RALGAPB: variants seen among roughly 807,000 people sequenced by gnomAD.
RALGAPB encodes the protein Ral GTPase activating protein non-catalytic subunit beta.
RALGAPB carries 25 observed loss-of-function variants against 161.1 expected under a neutral mutation model. The observed-to-expected ratio is 0.16, with a 90% CI of 0.11 to 0.22. The LOEUF (loss-of-function observed/expected upper bound fraction) is 0.22, where lower values mean the gene tolerates loss of function less well. Ranked by LOEUF, RALGAPB falls within the 10% of genes least tolerant of loss-of-function variation. The pLI, the probability that RALGAPB is intolerant of heterozygous loss-of-function variation, is 1.00. For synonymous variants in RALGAPB, 629 were observed against 626.1 expected, an observed-to-expected ratio of 1.00 and a Z score of -0.07; for missense variants, 1,391 against 1,815.2, an observed-to-expected ratio of 0.77 and a Z score of 4.25.
chr20:38,548,544 A>G (rs2087253180), intron 19 of RALGAPB, 145 bp from the exon 20 acceptor site: 4 of 649,366 alleles, frequency 6.2e-6, no homozygotes, highest in African/African-American at 1.8e-5. Flanking sequence ...GGTACGGCAG[A>G]AACCACAGAA....
chr20:38,496,982 T>C (rs985989426), intron 3 of RALGAPB, among the ~76,000 whole-genome samples: 4 of 152,202 alleles, frequency 2.6e-5, no homozygotes, highest in African/African-American at 9.7e-5. Context: ...TCTGCTTCAA[T>C]GTGAGCAGCA....
chr20:38,530,809 C>T (rs2086629707), intron 13 of RALGAPB, among the ~76,000 whole-genome samples: 2 of 151,380 alleles, frequency 1.3e-5, no homozygotes, highest in African/African-American at 4.9e-5. Context: ...GTTGACCAGG[C>T]TAGTCTCGAA....
At chr20:38,500,406 C>T (rs1453849772) in intron 5 of RALGAPB, among the ~76,000 whole-genome samples, 1 of 152,106 alleles carries the variant, frequency 6.6e-6, no homozygotes, top group Non-Finnish European at 1.5e-5. Context: ...GATCAGTGAT[C>T]TTTAATATTA....
At chr20:38,482,846 A>G (rs765225911) in intron 1 of RALGAPB, among the ~76,000 whole-genome samples, 12 of 152,128 alleles carry the variant, frequency 7.9e-5, no homozygotes, top group Admixed American at 1.3e-4. Flanking sequence ...TGATTCTTTA[A>G]TCACCACCAC....
chr20:38,529,863 A>G (rs2086597807), intron 13 of RALGAPB, among the ~76,000 whole-genome samples: 1 of 152,152 alleles, frequency 6.6e-6, no homozygotes, highest in African/African-American at 2.4e-5. Context: ...ATCATAAGGA[A>G]GAGAAAATAC....
intron 2 of RALGAPB, among the ~76,000 whole-genome samples, chr20:38,491,664 T>A (rs1004695637): frequency 1.3e-5 from 2 of 152,212 alleles, no homozygotes; most frequent in African/African-American, 4.8e-5. Context: ...ACCAGTGACT[T>A]ATGCCAAATT....
intron 15 of RALGAPB, chr20:38,534,520 G>T (rs1426052916): frequency 6.6e-6 from 1 of 152,356 alleles, no homozygotes; most frequent in Non-Finnish European, 1.5e-5. Flanking sequence ...TAAAAATATG[G>T]TGGCTTGGTT....
At chr20:38,568,337 C>G (rs1039706969) in intron 26 of RALGAPB, 1 of 152,010 alleles carries the variant, frequency 6.6e-6, no homozygotes, top group Non-Finnish European at 1.5e-5. Context: ...ATTCAGTACT[C>G]ATTTATGAGA....
chr20:38,503,758 C>T (rs971339471), intron 5 of RALGAPB, among the ~76,000 whole-genome samples: 2 of 152,128 alleles, frequency 1.3e-5, no homozygotes, highest in Non-Finnish European at 1.5e-5. Context: ...GCATTGCATG[C>T]CACAGATAAA....
chr20:38,562,595 C>T lies in RALGAPB; in HGVS notation c.3595C>T (p.Leu1199Phe). ...ACATTTCCTAGAATTTTTGCTTTCCCTTGGCTGGTCAGTAGATGTGGGCAG... is the reference window on the plus strand; with the variant it reads ...ACATTTCCTAGAATTTTTGCTTTCCTTTGGCTGGTCAGTAGATGTGGGCAG... ...QPHFLEFLLS[L>F]GWSVDVGRHP... Residue 1199 changes from leucine (L) to phenylalanine (F), a missense_variant, in exon 24 of 30, where the codon CTT becomes TTT. Transcript: ENST00000262879. 1 of 1,613,686 alleles carries T rather than the reference C, an allele frequency of 6.2e-7. No homozygotes were observed. The highest frequency in any genetic ancestry group is 8.5e-7 in the Non-Finnish European group (1 of 1,179,732).
Position 38,488,622 on chromosome 20 carries a change from A to G in RALGAPB, c.186+4A>G, listed in dbSNP as rs759284182. 1.1e-5 allele frequency: 18 copies of G among 1,602,668 alleles called. No individual in the cohort carries two copies. The highest frequency in any genetic ancestry group is 1.4e-5 in the Non-Finnish European group (17 of 1,172,626). On this transcript the variant is annotated splice_donor_region_variant and intron_variant, in intron 2 of 29. Transcript: ENST00000262879. Reference sequence around the variant, plus strand: ...TTTGTTAAAAACTGACAAAGAAGTAAGTGTTTCTAAATTTCATTCTCTTAT... The same window carrying G: ...TTTGTTAAAAACTGACAAAGAAGTAGGTGTTTCTAAATTTCATTCTCTTAT...
chr20:38,497,265 C>G, intron 3 of RALGAPB, 88 bp from the exon 4 acceptor site: 1 of 1,261,876 alleles, frequency 7.9e-7, no homozygotes. Flanking sequence ...CATTGGACCA[C>G]TGCTTGCTAC....
At chr20:38,573,540 T>G (rs925526469) in intron 28 of RALGAPB, 1 of 152,224 alleles carries the variant, frequency 6.6e-6, no homozygotes, top group African/African-American at 2.4e-5. Flanking sequence ...TGCCAGAGGC[T>G]GTGAGGGCTT....
chr20:38,552,713 C>T (rs2087421008), intron 21 of RALGAPB, among the ~76,000 whole-genome samples: 1 of 152,070 alleles, frequency 6.6e-6, no homozygotes, highest in Non-Finnish European at 1.5e-5. Flanking sequence ...AAATTTTAAT[C>T]CTGGTTCTTG....
At chr20:38,531,943 C>A (rs2086663762) in intron 14 of RALGAPB, among the ~76,000 whole-genome samples, 1 of 152,108 alleles carries the variant, frequency 6.6e-6, no homozygotes, top group African/African-American at 2.4e-5. Flanking sequence ...GGTTTATTAG[C>A]CCCTATACAT....
In RALGAPB at chr20:38,541,074, C is replaced by T. The variant is rs766480111; in HGVS notation, c.2596C>T (p.Leu866=). 44 of 1,613,906 alleles carry T rather than the reference C, an allele frequency of 2.7e-5. No individual in the cohort carries two copies. The highest frequency in any genetic ancestry group is 1.7e-5 in the Non-Finnish European group (20 of 1,179,980). Residue 866 remains leucine (L), a synonymous_variant, in exon 18 of 30, where the codon CTG becomes TTG. Coordinates refer to ENST00000262879, the MANE Select transcript of RALGAPB (RefSeq NM_020336.4). ...CLKEVLEIVE[L]GISGSKSKNN... is the part of the protein sequence containing the mutation. The stretch of plus-strand genomic sequence containing the variant: ...TAAGGAAGTACTGGAGATTGTGGAA[C>T]TGGGTATCTCAGGAAGTAAGTCCAA...
At chr20:38,555,772 C>A (rs529758820) in intron 22 of RALGAPB, among the ~76,000 whole-genome samples, 1 of 152,258 alleles carries the variant, frequency 6.6e-6, no homozygotes, top group South Asian at 2.1e-4. Context: ...AATAAAGTTA[C>A]CTGGTTTATG....
chr20:38,571,448 A>G (rs904545853), intron 28 of RALGAPB, among the ~76,000 whole-genome samples: 1 of 152,164 alleles, frequency 6.6e-6, no homozygotes, highest in Non-Finnish European at 1.5e-5. Flanking sequence ...TAGATTTGTC[A>G]TATAAGTAAT....
Position 38,541,266 on chromosome 20 carries a change from C to T in RALGAPB, c.2714+74C>T, listed in dbSNP as rs889039115. ...AGCAGTGATCCATGTTGTTTCATTT[C>T]CTTCCTGATTGTTCAGCATTGCGTG... On this transcript the variant is annotated intron_variant, in intron 18 of 29. Coordinates refer to ENST00000262879, the MANE Select transcript of RALGAPB (RefSeq NM_020336.4). 13 of 1,421,874 alleles carry T rather than the reference C, an allele frequency of 9.1e-6. No homozygotes were observed. In the African/African-American group the frequency reaches 1.8e-4, roughly 20 times the overall value. The allele number at this position is 1,421,874 out of a possible 1,614,324, so 88.1% of individuals were successfully genotyped here.
Sources: gnomAD v4.1 joint callset for allele counts (sites outside exome capture counted in the v4.1 genomes callset) on GRCh38, gnomAD v4.1.1 for gene constraint, MANE v1.5 for transcripts, NCBI Gene and HGNC (gene_info 2026-07-23, HGNC 2026-07-21) for gene names.